The following CATSPERB variants were observed in gnomAD, a reference collection of about 807,000 sequenced individuals.
CATSPERB encodes catsper channel auxiliary subunit beta, also known as cation channel sperm-associated auxiliary subunit beta.
In CATSPERB, 93 loss-of-function variants were observed where a neutral mutation model predicts 128.3. The ratio of observed to expected loss-of-function variants is 0.72; its 90% CI spans 0.61 to 0.86. The LOEUF is 0.86. CATSPERB is among the 40% of genes least tolerant of loss of function. CATSPERB has a pLI of 0.00. For synonymous variants in CATSPERB, 381 were observed against 448.8 expected (o/e 0.85, Z 1.91); for missense variants, 1,153 against 1,329.5 (o/e 0.87, Z 2.06).
chr14:91,616,866 C>CGG (rs1893949073), intron 20 of CATSPERB, among the ~76,000 whole-genome samples: 2 of 151,066 alleles, frequency 1.3e-5, no homozygotes, highest in Non-Finnish European at 2.9e-5. Context: ...CTCAGCCTCT[C>CGG]GAGTAGCTGG....
chr14:91,648,743 C>T (rs1894651545), intron 15 of CATSPERB, among the ~76,000 whole-genome samples: 1 of 152,168 alleles, frequency 6.6e-6, no homozygotes, highest in African/African-American at 2.4e-5. Context: ...GTTTCACATA[C>T]TTGTTCAAAT....
intron 7 of CATSPERB, among the ~76,000 whole-genome samples, chr14:91,699,654 A>G (rs2139850687): frequency 6.6e-6 from 1 of 151,396 alleles, no homozygotes; most frequent in East Asian, 1.9e-4. Flanking sequence ...GCTCACTGCA[A>G]CCTCTGCCTC....
intron 14 of CATSPERB, among the ~76,000 whole-genome samples, chr14:91,660,414 G>A (rs1894858069): frequency 6.6e-6 from 1 of 152,162 alleles, no homozygotes; most frequent in Non-Finnish European, 1.5e-5. Context: ...CACATATTTT[G>A]CATGGAAGAG....
chr14:91,604,514 G>A, intron 22 of CATSPERB: 1 of 1,603,736 alleles, frequency 6.2e-7, no homozygotes, highest in South Asian at 1.1e-5. Flanking sequence ...TTCCCCAGCA[G>A]CTTCCAAGGC....
chr14:91,605,325 TA>T, intron 22 of CATSPERB: 1 of 761,786 alleles, frequency 1.3e-6, no homozygotes, highest in South Asian at 1.6e-5. Context: ...CTCATGTTAT[TA>T]TTGGGGAAGA....
intron 22 of CATSPERB, among the ~76,000 whole-genome samples, chr14:91,608,011 C>T (rs1366050310): frequency 6.6e-6 from 1 of 152,154 alleles, no homozygotes; most frequent in East Asian, 1.9e-4. Flanking sequence ...GCTGGGGGCT[C>T]CTTTCATTCG....
At chr14:91,586,839 G>C (rs547557659) in intron 26 of CATSPERB, among the ~76,000 whole-genome samples, 1 of 152,312 alleles carries the variant, frequency 6.6e-6, no homozygotes, top group African/African-American at 2.4e-5. Flanking sequence ...AGGATAATCA[G>C]ACTAGAAACT....
rs1270061221 is a variant in CATSPERB, at chr14:91,619,424, A to G, written c.2261-1688T>C. ...GAAAGGATTTCCAAGGGTTTCAGAT[A>G]GAAGGAAGGTTTTCAGGACATTTAA... is the stretch of plus-strand genomic sequence containing the variant. On this transcript the variant is annotated intron_variant, in intron 19 of 26. Coordinates refer to ENST00000256343, the MANE Select transcript of CATSPERB (RefSeq NM_024764.4). 5.9e-5 allele frequency among the ~76,000 whole-genome samples: 9 copies of G among 152,208 alleles called. No individual in the cohort carries two copies. In the South Asian group the frequency reaches 8.3e-4, roughly 14 times the overall value.
intron 21 of CATSPERB, among the ~76,000 whole-genome samples, chr14:91,609,435 G>A (rs1265999388): frequency 2.0e-5 from 3 of 152,188 alleles, no homozygotes; most frequent in Non-Finnish European, 4.4e-5. Flanking sequence ...CAACATTAGA[G>A]TTCACCCAAG....
intron 14 of CATSPERB, among the ~76,000 whole-genome samples, chr14:91,667,192 G>T (rs1220928262): frequency 6.6e-6 from 1 of 152,238 alleles, no homozygotes; most frequent in Non-Finnish European, 1.5e-5. Flanking sequence ...AAGAAAGGGA[G>T]TTCCTAACCT....
At position 91,649,870 on chromosome 14, in the gene CATSPERB, T is replaced by C. The variant is rs564616755; in HGVS notation, c.1432+9967A>G. Among the ~76,000 whole-genome samples the C allele has an allele frequency of 2.1e-3, 317 of 152,222 alleles. 1 individual carries two copies. Among genetic ancestry groups the C allele is most frequent in the African/African-American group, 7.4e-3 (307 of 41,508 alleles). On this transcript the variant is annotated intron_variant, in intron 15 of 26. Coordinates refer to ENST00000256343, the MANE Select transcript of CATSPERB (RefSeq NM_024764.4). ...TGGTTCTGAGAGACTCTCACTGTGT[T>C]TTTATTTTTTGTGTCAATAATATTT...
At chr14:91,596,351 C>A (rs1468550542) in intron 22 of CATSPERB, among the ~76,000 whole-genome samples, 1 of 152,008 alleles carries the variant, frequency 6.6e-6, no homozygotes, top group Admixed American at 6.6e-5. Flanking sequence ...CTACAGGCGC[C>A]TGCCACCACG....
At chr14:91,654,712 G>A (rs1417262587) in intron 15 of CATSPERB, among the ~76,000 whole-genome samples, 1 of 152,170 alleles carries the variant, frequency 6.6e-6, no homozygotes, top group Non-Finnish European at 1.5e-5. Context: ...ACCCTGGCTG[G>A]ACTCATCACC....
At chr14:91,677,293 G>A (rs1444597906) in intron 11 of CATSPERB, among the ~76,000 whole-genome samples, 2 of 55,070 alleles carry the variant, frequency 3.6e-5, no homozygotes, top group Admixed American at 1.6e-4. Flanking sequence ...GGCAACCTAC[G>A]AATGGGAGAA....
chr14:91,628,906 C>A (rs1030112907), intron 17 of CATSPERB, among the ~76,000 whole-genome samples: 1 of 152,168 alleles, frequency 6.6e-6, no homozygotes, highest in South Asian at 2.1e-4. Flanking sequence ...TAGGAACTCT[C>A]GTTCATTGTT....
At chr14:91,617,465 G>T in intron 20 of CATSPERB, 132 bp downstream of exon 20, 2 of 561,742 alleles carry the variant, frequency 3.6e-6, no homozygotes, top group Non-Finnish European at 5.8e-6. Flanking sequence ...ATTTATCCTT[G>T]TAACCCTATA....
chr14:91,592,432 T>C (rs1477634242), intron 22 of CATSPERB: 1 of 176,032 alleles, frequency 5.7e-6, no homozygotes, highest in African/African-American at 2.4e-5. Flanking sequence ...TAGCATATGT[T>C]GATATTTTAA....
At chr14:91,648,396 A>G (rs1455902721) in intron 15 of CATSPERB, among the ~76,000 whole-genome samples, 1 of 152,214 alleles carries the variant, frequency 6.6e-6, no homozygotes, top group Non-Finnish European at 1.5e-5. Flanking sequence ...GCTATAGTAT[A>G]CTACATGTGC....
At position 91,604,018 on chromosome 14, in the gene CATSPERB, C is replaced by G. The variant is rs201009855; in HGVS notation, c.2709+4276G>C. ...TCCCTCCCTCCCTCTCTGTCTGTCT[C>G]TCTCTCTCTCTCTTCTTTCTTTCTT... On this transcript the variant is annotated intron_variant, in intron 22 of 26. Coordinates refer to ENST00000256343, the MANE Select transcript of CATSPERB (RefSeq NM_024764.4). Among the ~76,000 whole-genome samples the G allele has an allele frequency of 4.8e-4, 67 of 139,948 alleles. No homozygotes were observed. The South Asian group carries it at 0.013, about 27-fold the overall frequency. 91.8% of individuals were successfully genotyped at this position (139,948 alleles called of 152,430 possible).
Sources: gnomAD v4.1 joint callset for allele counts (sites outside exome capture counted in the v4.1 genomes callset) on GRCh38, gnomAD v4.1.1 for gene constraint, MANE v1.5 for transcripts, NCBI Gene and HGNC (gene_info 2026-07-23, HGNC 2026-07-21) for gene names.